Variants in CEP152 observed in about 807,000 individuals in gnomAD.
The protein encoded by CEP152 is centrosomal protein 152, also known as centrosomal protein of 152 kDa.
CEP152 carries 132 observed loss-of-function variants against 188.9 expected under a neutral mutation model. That is an observed-to-expected ratio of 0.70 (90% CI 0.61 to 0.81). The LOEUF (loss-of-function observed/expected upper bound fraction) is 0.81, where lower values mean the gene tolerates loss of function less well. Ranked by LOEUF, CEP152 falls within the 30% of genes least tolerant of loss-of-function variation. CEP152 has a pLI of 0.00. For synonymous variants in CEP152, 649 were observed against 666.6 expected, an observed-to-expected ratio of 0.97 and a Z score of 0.41; for missense variants, 1,914 against 1,969.8, an observed-to-expected ratio of 0.97 and a Z score of 0.54.
In CEP152 at chr15:48,791,261, T is replaced by G. The variant is rs753968440; in HGVS notation, c.948A>C (p.Gln316His). The G allele has an allele frequency of 1.9e-6, 3 of 1,612,552 alleles. No individual in the cohort carries two copies. The highest frequency in any genetic ancestry group is 2.5e-6 in the Non-Finnish European group (3 of 1,179,730). ...CCTGTTCTTCATTGACTTTTAATGCTTGTATCTGAGTCTCCAGTGCTTTTA... is the reference window on the plus strand; with the variant it reads ...CCTGTTCTTCATTGACTTTTAATGCGTGTATCTGAGTCTCCAGTGCTTTTA... ...AQIKALETQI[Q>H]ALKVNEEQMI... The change falls in exon 8 of 27, where the codon CAA becomes CAC. Residue 316 changes from glutamine (Q) to histidine (H), a missense_variant. Physicochemically the swap from Gln to His is conservative, Grantham distance 24. Transcript: ENST00000380950.
At chr15:48,751,105 G>A (rs775945522) in intron 21 of CEP152, among the ~76,000 whole-genome samples, 1 of 152,026 alleles carries the variant, frequency 6.6e-6, no homozygotes, top group Non-Finnish European at 1.5e-5. Context: ...CTGGTGGTAG[G>A]ATTTTAAAGG....
chr15:48,797,374 C>A lies in CEP152; in HGVS notation c.467G>T (p.Gly156Val). Residue 156 changes from glycine (G) to valine (V), a missense_variant, in exon 5 of 27, where the codon GGT becomes GTT. By Grantham distance (109) the Gly-to-Val change is moderately radical (BLOSUM62 -3). Coordinates refer to ENST00000380950, the MANE Select transcript of CEP152 (RefSeq NM_001194998.2). ...TTGGTTATTAAATTCCTGCTTCTGA[C>A]CATTGGTATATGGCCTAAAGTTTTC... ...LPENFRPYTNGQKQEFNNQAT... is the reference protein window; with the variant it reads ...LPENFRPYTNVQKQEFNNQAT... 6.2e-7 allele frequency: 1 copy of A among 1,614,068 alleles called. No individual in the cohort carries two copies. The highest frequency in any genetic ancestry group is 8.5e-7 in the Non-Finnish European group (1 of 1,179,960).
At chr15:48,806,822 G>A (rs1286620619) in intron 1 of CEP152, among the ~76,000 whole-genome samples, 3 of 152,174 alleles carry the variant, frequency 2.0e-5, no homozygotes, top group Admixed American at 6.5e-5. Context: ...CAGTAGGAAC[G>A]AGATGTAGCC....
At chr15:48,739,373 TTAAAAA>T in intron 26 of CEP152, 85 bp from the exon 27 acceptor site, 1 of 1,454,376 alleles carries the variant, frequency 6.9e-7, no homozygotes, top group Non-Finnish European at 9.0e-7. Context: ...ATAAAAAAAA[TTAAAAA>T]TAAGAAAAAA....
chr15:48,738,291 T>C lies in CEP152; in HGVS notation c.5091A>G (p.Gln1697=), dbSNP rs771708369. The change falls in exon 27 of 27, where the codon CAA becomes CAG. Residue 1697 remains glutamine (Q), a synonymous_variant. Transcript: ENST00000380950. ...ATGGGCTATCAAAGCCACTATCTTG[T>C]TGGCTAGATAGCGGAACAATTAATT... is the stretch of plus-strand genomic sequence containing the variant. The part of the protein sequence containing the change: ...SRKLIVPLSS[Q]QDSGFDSPFV... The C allele has an allele frequency of 6.2e-7, 1 of 1,613,996 alleles. No individual in the cohort carries two copies. The highest frequency in any genetic ancestry group is 1.1e-5 in the South Asian group (1 of 91,076).
chr15:48,802,437 C>A lies in CEP152; in HGVS notation c.87+3126G>T, dbSNP rs79586652. On this transcript the variant is annotated intron_variant, in intron 2 of 26. Coordinates refer to ENST00000380950, the MANE Select transcript of CEP152 (RefSeq NM_001194998.2). The stretch of plus-strand genomic sequence containing the variant: ...TGTCATCACTCTCACTGATCTACAC[C>A]CTAATCTGCTCTGTCGACTATTTTT... Among the ~76,000 whole-genome samples the A allele has an allele frequency of 5.0e-3, 767 of 152,218 alleles. 7 individuals are homozygous for A. The highest frequency in any genetic ancestry group is 0.017 in the African/African-American group (713 of 41,532).
At chr15:48,796,185 A>G in intron 5 of CEP152, 25 bp from the exon 6 acceptor site, 1 of 1,612,630 alleles carries the variant, frequency 6.2e-7, no homozygotes, top group South Asian at 1.1e-5. Flanking sequence ...GAAACTGACA[A>G]TTAAGATTTG....
At chr15:48,782,875 A>G (rs1896346419) in intron 10 of CEP152, among the ~76,000 whole-genome samples, 1 of 152,208 alleles carries the variant, frequency 6.6e-6, no homozygotes, top group African/African-American at 2.4e-5. Flanking sequence ...AACAGCCAGG[A>G]AAAAGGCTCA....
chr15:48,776,936 T>G (rs1895956751), intron 12 of CEP152, among the ~76,000 whole-genome samples: 1 of 152,102 alleles, frequency 6.6e-6, no homozygotes, highest in African/African-American at 2.4e-5. Flanking sequence ...GTATCTGCCC[T>G]TAAGATGAGG....
chr15:48,795,920 A>G, intron 6 of CEP152, 90 bp downstream of exon 6: 1 of 1,216,860 alleles, frequency 8.2e-7, no homozygotes. Context: ...TTAAAAAATA[A>G]TAATTCTTGA....
At chr15:48,758,067 G>A (rs952636056) in intron 19 of CEP152, among the ~76,000 whole-genome samples, 2 of 152,212 alleles carry the variant, frequency 1.3e-5, no homozygotes, top group Non-Finnish European at 2.9e-5. Context: ...TAAAAATCCT[G>A]ATGCCCAGGC....
chr15:48,770,482 T>C (rs933646815), intron 13 of CEP152, among the ~76,000 whole-genome samples: 1 of 151,170 alleles, frequency 6.6e-6, no homozygotes, highest in African/African-American at 2.4e-5. Flanking sequence ...AAAGTGTATC[T>C]GTATAGCAAA....
rs1340857503 is a variant in CEP152 at position 48,799,604 on chromosome 15, T to A, written c.88-1553A>T. On this transcript the variant is annotated intron_variant, in intron 2 of 26. Transcript: ENST00000380950. Reference sequence around the variant, plus strand: ...CTAACATTAACACACAAGACCCTCATTAAATGCTCATCTCCACATGCAAGG... The same window carrying A: ...CTAACATTAACACACAAGACCCTCAATAAATGCTCATCTCCACATGCAAGG... Among the ~76,000 whole-genome samples the A allele has an allele frequency of 2.6e-5, 4 of 152,214 alleles. No individual in the cohort carries two copies. The East Asian group carries it at 7.7e-4, about 29-fold the overall frequency.
chr15:48,741,852 T>C, intron 25 of CEP152, 95 bp downstream of exon 25: 1 of 1,611,968 alleles, frequency 6.2e-7, no homozygotes, highest in Non-Finnish European at 8.5e-7. Context: ...GCTGATCATG[T>C]AGAAATAGTT....
Position 48,805,567 on chromosome 15 carries a change from TTCTC to T in CEP152, c.79_82del (p.Glu27LysfsTer46). ...TTTTTTTTTTTAACAACTTACCTCT[TTCTC>T]TCTTTCATAGTCCTCTTCGTCATAC... On this transcript the variant is annotated frameshift_variant, in exon 2 of 27. Transcript: ENST00000380950. LOFTEE classifies it high-confidence loss of function. The T allele has an allele frequency of 6.2e-7, 1 of 1,607,412 alleles. No homozygotes were observed. The highest frequency in any genetic ancestry group is 1.3e-5 in the African/African-American group (1 of 74,774).
rs548089061 is a variant in CEP152 at position 48,755,793 on chromosome 15, A to G, written c.3345+110T>C. On this transcript the variant is annotated intron_variant, in intron 20 of 26. Coordinates refer to ENST00000380950, the MANE Select transcript of CEP152 (RefSeq NM_001194998.2). ...ACTTTTTTAAACCACTGACAAAAAC[A>G]TAAGACTTACATCTACTAAAATTTA... The G allele has an allele frequency of 2.1e-5, 32 of 1,560,762 alleles. No homozygotes were observed. The South Asian group carries it at 3.6e-4, about 18-fold the overall frequency.
At chr15:48,808,386 GA>G (rs1898125385) in intron 1 of CEP152, among the ~76,000 whole-genome samples, 1 of 151,230 alleles carries the variant, frequency 6.6e-6, no homozygotes, top group Non-Finnish European at 1.5e-5. Context: ...TATTATATAT[GA>G]AAAAATACAT....
intron 19 of CEP152, among the ~76,000 whole-genome samples, chr15:48,758,892 G>A (rs570804544): frequency 2.0e-3 from 309 of 152,142 alleles, no homozygotes; most frequent in African/African-American, 7.3e-3. Context: ...CTATATGTCT[G>A]CTTTCACAAA....
intron 22 of CEP152, among the ~76,000 whole-genome samples, chr15:48,745,452 TTG>T (rs146471066): frequency 0.32 from 48,241 of 149,878 alleles, 10,539 homozygotes; most frequent in East Asian, 0.62. Context: ...TCTTTGAACT[TTG>T]TGTGTGTGTG....
Sources: gnomAD v4.1 joint callset for allele counts (sites outside exome capture counted in the v4.1 genomes callset) on GRCh38, gnomAD v4.1.1 for gene constraint, MANE v1.5 for transcripts, NCBI Gene and HGNC (gene_info 2026-07-23, HGNC 2026-07-21) for gene names.